MOV10L1: variants seen among roughly 807,000 people sequenced by gnomAD.
MOV10L1 encodes the protein RNA helicase Mov10l1.
Under a neutral mutation model 143.8 loss-of-function variants are expected in MOV10L1, and 110 were observed. The ratio of observed to expected loss-of-function variants is 0.76; its 90% CI spans 0.66 to 0.90. The LOEUF is 0.90. Among genes scored for constraint, MOV10L1 ranks in the 40% least tolerant of loss-of-function variants. MOV10L1 has a pLI of 0.00. For missense variants in MOV10L1, 1,406 were observed against 1,526.8 expected, an observed-to-expected ratio of 0.92 and a Z score of 1.32; for synonymous variants, 593 against 581.1, an observed-to-expected ratio of 1.02 and a Z score of -0.29.
intron 9 of MOV10L1, among the ~76,000 whole-genome samples, chr22:50,119,500 T>G (rs554030273): frequency 7.6e-4 from 115 of 152,132 alleles, no homozygotes; most frequent in African/African-American, 2.7e-3. Flanking sequence ...CCAGCCAAGT[T>G]TCTAGCCACC....
chr22:50,159,632 A>T lies in MOV10L1; in HGVS notation c.3217-46A>T. 8.2e-7 allele frequency: 1 copy of T among 1,221,754 alleles called. No individual in the cohort carries two copies. Among genetic ancestry groups the T allele is most frequent in the Non-Finnish European group, 1.2e-6 (1 of 853,476 alleles). 75.7% of individuals were successfully genotyped at this position (1,221,754 alleles called of 1,614,324 possible). A position where few individuals can be genotyped will look rare whatever the true frequency, so the allele number is the denominator to read the frequency against. On this transcript the variant is annotated intron_variant, in intron 23 of 26. Transcript: ENST00000262794. The surrounding 1 kb of genome is among the most constrained non-coding windows in gnomAD (Gnocchi z 4.1). ...AAAAAAAGGAAAAGAAAAGAAATGG[A>T]TTTGTACAGTGTTATCTTTAGTCTT... is the stretch of plus-strand genomic sequence containing the variant.
chr22:50,128,906 A>T lies in MOV10L1; in HGVS notation c.1910+399A>T, dbSNP rs538045391. 9.9e-5 allele frequency among the ~76,000 whole-genome samples: 15 copies of T among 151,514 alleles called. No homozygotes were observed. The East Asian group carries it at 2.9e-3, about 29-fold the overall frequency. ...GGTCATAAACTCCTAGGCTCAAGCGATCCTCCTGCGTCAGCCTCCCAAAGT... is the reference window on the plus strand; with the variant it reads ...GGTCATAAACTCCTAGGCTCAAGCGTTCCTCCTGCGTCAGCCTCCCAAAGT... On this transcript the variant is annotated intron_variant, in intron 13 of 26. Coordinates refer to ENST00000262794, the MANE Select transcript of MOV10L1 (RefSeq NM_018995.3).
chr22:50,122,553 A>G (rs1425725638), intron 10 of MOV10L1, among the ~76,000 whole-genome samples: 3 of 152,148 alleles, frequency 2.0e-5, no homozygotes, highest in Non-Finnish European at 2.9e-5. Flanking sequence ...TTTCTTGCCT[A>G]ATTGCTCTGG....
At chr22:50,111,720 GTCTCAA>G (rs1417161200) in intron 5 of MOV10L1, among the ~76,000 whole-genome samples, 5 of 151,896 alleles carry the variant, frequency 3.3e-5, no homozygotes, top group Admixed American at 2.0e-4. Context: ...AGCCAGGATG[GTCTCAA>G]TCTCCTGACC....
chr22:50,114,451 A>G lies in MOV10L1; in HGVS notation c.955A>G (p.Arg319Gly). Residue 319 changes from arginine to glycine, a missense_variant, in exon 7 of 27, where the codon AGA becomes GGA. Coordinates refer to ENST00000262794, the MANE Select transcript of MOV10L1 (RefSeq NM_018995.3). Reference sequence around the variant, plus strand: ...TGGCTGGGATAAATCTAAACAATTCAGATTCCAAATGCTGGATAAAGACCA... The same window carrying G: ...TGGCTGGGATAAATCTAAACAATTCGGATTCCAAATGCTGGATAAAGACCA... ...LAGWDKSKQF[R>G]FQMLDKDQMC... is the part of the protein sequence containing the mutation. 1 of 1,614,274 alleles carries G rather than the reference A, an allele frequency of 6.2e-7. No homozygotes were observed. Among genetic ancestry groups the G allele is most frequent in the Non-Finnish European group, 8.5e-7 (1 of 1,180,052 alleles).
Position 50,114,632 on chromosome 22 carries a change from G to C in MOV10L1, c.1126+10G>C. On this transcript the variant is annotated intron_variant, in intron 7 of 26. Transcript: ENST00000262794. The stretch of plus-strand genomic sequence containing the variant: ...AGAGGAATCTCTCCAGGTAGTGGAC[G>C]TTTCGGCTGTCACTGCGTGAGGTCG... 6.2e-7 allele frequency: 1 copy of C among 1,612,266 alleles called. No homozygotes were observed. Among genetic ancestry groups the C allele is most frequent in the Non-Finnish European group, 8.5e-7 (1 of 1,178,638 alleles).
chr22:50,130,303 A>G (rs1305662343), intron 13 of MOV10L1, among the ~76,000 whole-genome samples: 1 of 152,034 alleles, frequency 6.6e-6, no homozygotes, highest in Non-Finnish European at 1.5e-5. Flanking sequence ...AATTTTATAT[A>G]TATATGTCTT....
intron 10 of MOV10L1, among the ~76,000 whole-genome samples, chr22:50,124,285 T>C (rs532551078): frequency 2.0e-5 from 3 of 152,320 alleles, no homozygotes; most frequent in Admixed American, 1.3e-4. Flanking sequence ...TCTTGCTGTA[T>C]TGTGTTTTTG....
At position 50,106,432 on chromosome 22, in the gene MOV10L1, C is replaced by T. The variant is rs577163322; in HGVS notation, c.443-1704C>T. ...CTTCCCACCTCAGCCTCACAAAGTG[C>T]TAGAAATCTTTACTATGATTCCATG... On this transcript the variant is annotated intron_variant, in intron 3 of 26. Transcript: ENST00000262794. 1.8e-4 allele frequency among the ~76,000 whole-genome samples: 26 copies of T among 147,820 alleles called. 1 individual carries two copies. The highest frequency in any genetic ancestry group is 5.9e-5 in the Non-Finnish European group (4 of 67,324).
At chr22:50,126,125 T>G in intron 11 of MOV10L1, 77 bp from the exon 12 acceptor site, 2 of 978,754 alleles carry the variant, frequency 2.0e-6, no homozygotes, top group Non-Finnish European at 3.2e-6. Context: ...ACCTCCTCAG[T>G]GTTGGATTTT....
rs774137159 is a variant in MOV10L1 at position 50,108,314 on chromosome 22, C to T, written c.555+66C>T. Reference sequence around the variant, plus strand: ...GACCTGCCATCAGGGGTAACTTGCACGGCCCAGGCTTCTCCTGCATGTGTT... The same window carrying T: ...GACCTGCCATCAGGGGTAACTTGCATGGCCCAGGCTTCTCCTGCATGTGTT... On this transcript the variant is annotated intron_variant, in intron 4 of 26. Transcript: ENST00000262794. 43 of 1,391,510 alleles carry T rather than the reference C, an allele frequency of 3.1e-5. No individual in the cohort carries two copies. The Middle Eastern group carries it at 5.3e-4, about 17-fold the overall frequency. The allele number at this position is 1,391,510 out of a possible 1,614,324, so 86.2% of individuals were successfully genotyped here.
chr22:50,157,351 C>T (rs1214440012), intron 22 of MOV10L1, among the ~76,000 whole-genome samples: 1 of 152,178 alleles, frequency 6.6e-6, no homozygotes, highest in East Asian at 1.9e-4. Context: ...TGTAGTCCAG[C>T]ATATCCCTTT....
Position 50,113,683 on chromosome 22 carries a change from A to C in MOV10L1, c.779A>C (p.Tyr260Ser), listed in dbSNP as rs369127945. The change falls in exon 6 of 27, where the codon TAT becomes TCT. Residue 260 changes from tyrosine (Y) to serine (S), a missense_variant. Tyr to Ser is a moderately radical substitution (Grantham distance 144). Coordinates refer to ENST00000262794, the MANE Select transcript of MOV10L1 (RefSeq NM_018995.3). ...CCTGTTCATGAGGCCACTCATTTCT[A>C]TGGAACGATTTTGCTGAAGAACAAA... ...AAPVHEATHF[Y>S]GTILLKNKGD... 9.9e-6 allele frequency: 16 copies of C among 1,613,962 alleles called. No individual in the cohort carries two copies. The highest frequency in any genetic ancestry group is 1.3e-5 in the African/African-American group (1 of 75,014).
chr22:50,154,745 G>A (rs770614882), intron 22 of MOV10L1, among the ~76,000 whole-genome samples: 3 of 152,114 alleles, frequency 2.0e-5, no homozygotes, highest in Admixed American at 1.3e-4. Context: ...CTTGTCTTAC[G>A]AATTTTAACT....
At chr22:50,137,442 C>T (rs2062850298) in intron 15 of MOV10L1, among the ~76,000 whole-genome samples, 1 of 152,008 alleles carries the variant, frequency 6.6e-6, no homozygotes, top group Non-Finnish European at 1.5e-5. Context: ...GAAGACGGAG[C>T]AATAGAAACT....
chr22:50,114,142 G>T (rs184926464), intron 6 of MOV10L1, among the ~76,000 whole-genome samples: 1 of 151,630 alleles, frequency 6.6e-6, no homozygotes, highest in Non-Finnish European at 1.5e-5. Context: ...ATGGTCTGGA[G>T]CTCCTGACCT....
chr22:50,126,524 T>C (rs2062511437), intron 12 of MOV10L1, among the ~76,000 whole-genome samples: 2 of 152,236 alleles, frequency 1.3e-5, no homozygotes, highest in South Asian at 4.1e-4. Context: ...TTGAGTTGTA[T>C]TTGGGCATTC....
Position 50,115,097 on chromosome 22 carries a change from A to G in MOV10L1, c.1127-17A>G. On this transcript the variant is annotated splice_polypyrimidine_tract_variant and intron_variant, in intron 7 of 26. Coordinates refer to ENST00000262794, the MANE Select transcript of MOV10L1 (RefSeq NM_018995.3). ...TTACCTTTTGGTCAACTTTTGTATTAAAATTTTATTTCCCAGGTGATTGTA... is the reference window on the plus strand; with the variant it reads ...TTACCTTTTGGTCAACTTTTGTATTGAAATTTTATTTCCCAGGTGATTGTA... The G allele has an allele frequency of 6.4e-7, 1 of 1,559,500 alleles. No homozygotes were observed. The highest frequency in any genetic ancestry group is 8.6e-7 in the Non-Finnish European group (1 of 1,161,958).
At chr22:50,148,811 C>A (rs967316760) in intron 19 of MOV10L1, among the ~76,000 whole-genome samples, 1 of 152,108 alleles carries the variant, frequency 6.6e-6, no homozygotes, top group African/African-American at 2.4e-5. Flanking sequence ...CTACAGGCGC[C>A]CGCCACCACA....
Sources: gnomAD v4.1 joint callset for allele counts (sites outside exome capture counted in the v4.1 genomes callset) on GRCh38, gnomAD v4.1.1 for gene constraint, Gnocchi (gnomAD v3.1) non-coding constraint, MANE v1.5 for transcripts, NCBI Gene and HGNC (gene_info 2026-07-23, HGNC 2026-07-21) for gene names.